Variants in ITGBL1 observed in about 807,000 individuals in gnomAD.
ITGBL1 encodes integrin beta-like protein 1.
A neutral mutation model predicts 68.5 loss-of-function variants in ITGBL1; 51 were observed. The ratio of observed to expected loss-of-function variants is 0.74; its 90% CI spans 0.59 to 0.94. The LOEUF (loss-of-function observed/expected upper bound fraction) is 0.94. ITGBL1 is among the 40% of genes least tolerant of loss of function. The probability of loss-of-function intolerance (pLI) is 0.00; values close to 1 mark genes in which losing one functional copy is unlikely to be tolerated. For synonymous variants in ITGBL1, 209 were observed against 227.3 expected (o/e 0.92, Z 0.72); for missense variants, 649 against 647.4 (o/e 1.00, Z -0.03).
chr13:101,645,310 C>G (rs1388782363), intron 7 of ITGBL1, among the ~76,000 whole-genome samples: 2 of 152,150 alleles, frequency 1.3e-5, no homozygotes, highest in Non-Finnish European at 2.9e-5. Context: ...AACGACATTG[C>G]TTATTCTTTA....
intron 2 of ITGBL1, among the ~76,000 whole-genome samples, chr13:101,471,731 G>A (rs1200953467): frequency 1.3e-5 from 2 of 151,712 alleles, no homozygotes; most frequent in East Asian, 1.9e-4. Context: ...AAAGTGAGAC[G>A]AAATACTTGA....
intron 7 of ITGBL1, 52 bp downstream of exon 7, chr13:101,598,351 G>A: frequency 1.5e-6 from 2 of 1,358,340 alleles, no homozygotes; most frequent in Non-Finnish European, 1.9e-6. Context: ...CAATTCAAAT[G>A]AATTCAATGC....
chr13:101,599,963 A>G (rs531406564), intron 7 of ITGBL1, among the ~76,000 whole-genome samples: 3 of 152,232 alleles, frequency 2.0e-5, no homozygotes, highest in Admixed American at 6.5e-5. Flanking sequence ...GTTTTTTCCA[A>G]TTCTGTGAAG....
intron 7 of ITGBL1, among the ~76,000 whole-genome samples, chr13:101,658,479 G>T (rs554681873): frequency 1.3e-5 from 2 of 152,042 alleles, no homozygotes; most frequent in African/African-American, 4.8e-5. Context: ...AATATTATGT[G>T]TGTTGCTTTG....
chr13:101,462,073 G>A (rs2048325298), intron 2 of ITGBL1, among the ~76,000 whole-genome samples: 1 of 152,052 alleles, frequency 6.6e-6, no homozygotes, highest in Non-Finnish European at 1.5e-5. Flanking sequence ...TGTCAGTTGG[G>A]GTCCCTCTTG....
chr13:101,463,083 A>G (rs1345473895), intron 2 of ITGBL1, among the ~76,000 whole-genome samples: 1 of 152,182 alleles, frequency 6.6e-6, no homozygotes, highest in Non-Finnish European at 1.5e-5. Flanking sequence ...AAATAGGGAT[A>G]ATGACAGTGC....
intron 2 of ITGBL1, among the ~76,000 whole-genome samples, chr13:101,567,093 C>A (rs16959056): frequency 0.012 from 1,861 of 152,192 alleles, 31 homozygotes; most frequent in African/African-American, 0.042. Context: ...ACAATGAAAA[C>A]AACATGCATT....
At chr13:101,628,253 A>C (rs1010834573) in intron 7 of ITGBL1, among the ~76,000 whole-genome samples, 6 of 152,118 alleles carry the variant, frequency 3.9e-5, no homozygotes, top group African/African-American at 1.4e-4. Flanking sequence ...TTCTTTAATA[A>C]GGCATCTGTT....
intron 2 of ITGBL1, among the ~76,000 whole-genome samples, chr13:101,560,028 A>T (rs2050073714): frequency 6.6e-6 from 1 of 151,952 alleles, no homozygotes; most frequent in Admixed American, 6.6e-5. Flanking sequence ...CCTAAGGAAC[A>T]TTTTTTTTCT....
At chr13:101,714,866 C>G (rs879310480) in intron 10 of ITGBL1, 2 of 311,474 alleles carry the variant, frequency 6.4e-6, no homozygotes, top group African/African-American at 2.1e-5. Flanking sequence ...TGTTGGCAAC[C>G]ATTTTACTTT....
intron 9 of ITGBL1, among the ~76,000 whole-genome samples, chr13:101,708,791 T>C (rs2034319566): frequency 6.6e-6 from 1 of 152,208 alleles, no homozygotes; most frequent in Non-Finnish European, 1.5e-5. Flanking sequence ...AACACTTGTA[T>C]TTACAATGCT....
intron 9 of ITGBL1, among the ~76,000 whole-genome samples, chr13:101,708,195 C>G (rs930872670): frequency 6.6e-6 from 1 of 152,136 alleles, no homozygotes; most frequent in Non-Finnish European, 1.5e-5. Flanking sequence ...CATTGTAATG[C>G]ATATGGCATC....
chr13:101,555,528 A>G (rs2049990036), intron 2 of ITGBL1, among the ~76,000 whole-genome samples: 1 of 152,180 alleles, frequency 6.6e-6, no homozygotes, highest in South Asian at 2.1e-4. Flanking sequence ...GCTTTTCCAA[A>G]GGCAGCTGAT....
At chr13:101,607,945 T>C (rs976865348) in intron 7 of ITGBL1, among the ~76,000 whole-genome samples, 14 of 152,218 alleles carry the variant, frequency 9.2e-5, no homozygotes, top group African/African-American at 3.4e-4. Context: ...TTTCATTTGA[T>C]ACTGCAATCC....
At chr13:101,567,642 G>A in intron 2 of ITGBL1, 57 bp from the exon 3 acceptor site, 1 of 1,538,598 alleles carries the variant, frequency 6.5e-7, no homozygotes, top group South Asian at 1.2e-5. Context: ...ATGTGTTACA[G>A]TAGTGGTTAT....
chr13:101,640,969 G>A (rs2032347834), intron 7 of ITGBL1, among the ~76,000 whole-genome samples: 1 of 152,166 alleles, frequency 6.6e-6, no homozygotes, highest in Non-Finnish European at 1.5e-5. Flanking sequence ...TACTTATTTA[G>A]TATTAGTGTA....
At chr13:101,584,839 G>T (rs2050524298) in intron 6 of ITGBL1, among the ~76,000 whole-genome samples, 1 of 151,966 alleles carries the variant, frequency 6.6e-6, no homozygotes, top group Non-Finnish European at 1.5e-5. Flanking sequence ...TTTTAATTAG[G>T]ATGATGTGGC....
At chr13:101,498,091 A>AAT (rs2048883896) in intron 2 of ITGBL1, among the ~76,000 whole-genome samples, 1 of 152,098 alleles carries the variant, frequency 6.6e-6, no homozygotes. Context: ...TGCACATCTT[A>AAT]ATATATCTGA....
chr13:101,552,946 A>G (rs998469213), intron 2 of ITGBL1, among the ~76,000 whole-genome samples: 5 of 152,206 alleles, frequency 3.3e-5, no homozygotes, highest in African/African-American at 4.8e-5. Flanking sequence ...CTCCTCAGGC[A>G]TAATTTGTCA....
Sources: allele counts gnomAD v4.1 joint callset (sites outside exome capture counted in the v4.1 genomes callset), GRCh38; gene constraint gnomAD v4.1.1; transcripts MANE v1.5; gene names NCBI Gene and HGNC (gene_info 2026-07-23, HGNC 2026-07-21).